The following SGK2 variants were observed in gnomAD, a reference collection of about 807,000 sequenced individuals.
SGK2 encodes the protein serum/glucocorticoid regulated kinase 2, also known as serine/threonine-protein kinase Sgk2.
Under a neutral mutation model 47.5 loss-of-function variants are expected in SGK2, and 36 were observed. The ratio of observed to expected loss-of-function variants is 0.76; its 90% CI spans 0.58 to 1.00. The LOEUF is 1.00. Among genes scored for constraint, SGK2 ranks in the 50% least tolerant of loss-of-function variants. The pLI is 0.00. For synonymous variants in SGK2, 157 were observed against 181.9 expected (o/e 0.86, Z 1.10); for missense variants, 404 against 467.4 (o/e 0.86, Z 1.25).
At position 43,561,628 on chromosome 20, in the gene SGK2, C is replaced by G. The variant is rs138106484; in HGVS notation, c.-24+2469C>G. Among the ~76,000 whole-genome samples the G allele has an allele frequency of 4.0e-4, 61 of 152,120 alleles. 3 individuals carry two copies. The East Asian group carries it at 0.012, about 29-fold the overall frequency. On this transcript the variant is annotated intron_variant, in intron 1 of 12. Transcript: ENST00000373100. ...TGGTTTCGATCTCTGACCTCATGAT[C>G]CACCCGCCTCGGCCTCCCAAAGCAC... is the stretch of plus-strand genomic sequence containing the variant.
chr20:43,583,043 T>C (rs1239389027), intron 12 of SGK2: 3 of 482,054 alleles, frequency 6.2e-6, no homozygotes, highest in African/African-American at 2.0e-5. Flanking sequence ...CTGTGTGGTC[T>C]ACCTGTAAAG....
In SGK2 at chr20:43,572,252, C is replaced by G. The variant is rs1980186690; in HGVS notation, c.597+115C>G. ...TCACTCCTTTGACCCAAACACTTCT[C>G]CTGAGTGGGCTATACACTGAACTGT... On this transcript the variant is annotated intron_variant, in intron 9 of 12. Coordinates refer to ENST00000373100, the MANE Select transcript of SGK2 (RefSeq NM_170693.3). The surrounding 1 kb of genome is among the most constrained non-coding windows in gnomAD (Gnocchi z 4.2). 4.0e-6 allele frequency: 3 copies of G among 753,656 alleles called. No homozygotes were observed. The Admixed American group carries it at 6.4e-5, about 16-fold the overall frequency. The allele number at this position is 753,656 out of a possible 1,614,324, so 46.7% of individuals were successfully genotyped here. A position where few individuals can be genotyped will look rare whatever the true frequency, so the allele number is the denominator to read the frequency against.
In SGK2 at chr20:43,585,094, C is replaced by T; in HGVS notation, c.*78C>T. ...CCTTCAGCTGCTAGGAAGAGCGACTCAAACTAACAATGGCTTCAACGAGAA... is the reference window on the plus strand; with the variant it reads ...CCTTCAGCTGCTAGGAAGAGCGACTTAAACTAACAATGGCTTCAACGAGAA... On this transcript the variant is annotated 3_prime_UTR_variant, in exon 13 of 13. Coordinates refer to ENST00000373100, the MANE Select transcript of SGK2 (RefSeq NM_170693.3). The T allele has an allele frequency of 7.4e-7, 1 of 1,348,226 alleles. No individual in the cohort carries two copies. The highest frequency in any genetic ancestry group is 1.4e-5 in the South Asian group (1 of 72,870). 83.5% of individuals were successfully genotyped at this position (1,348,226 alleles called of 1,614,324 possible).
At chr20:43,576,897 G>A (rs777603979) in intron 11 of SGK2, among the ~76,000 whole-genome samples, 3 of 152,216 alleles carry the variant, frequency 2.0e-5, no homozygotes, top group Non-Finnish European at 2.9e-5. Flanking sequence ...ATCTGAGATC[G>A]TGCCATTGCA....
chr20:43,584,226 G>C (rs766727250), intron 12 of SGK2, among the ~76,000 whole-genome samples: 13 of 152,068 alleles, frequency 8.5e-5, no homozygotes, highest in Non-Finnish European at 1.5e-4. Context: ...CAGCAAGAGA[G>C]CAACTCCTGA....
Position 43,585,626 on chromosome 20 carries a change from T to C in SGK2, c.*610T>C, listed in dbSNP as rs1248161413. On this transcript the variant is annotated 3_prime_UTR_variant, in exon 13 of 13. Coordinates refer to ENST00000373100, the MANE Select transcript of SGK2 (RefSeq NM_170693.3). ...AGGGTATCAATATCTCTTATTGTTC[T>C]ATGTTGATGATATTTGTCTTTGTTG... 4 of 152,338 alleles carry C rather than the reference T, an allele frequency of 2.6e-5. No individual in the cohort carries two copies. Among genetic ancestry groups the C allele is most frequent in the African/African-American group, 4.8e-5 (2 of 41,454 alleles). The allele number at this position is 152,338 out of a possible 1,614,324, so 9.4% of individuals were successfully genotyped here. A position where few individuals can be genotyped will look rare whatever the true frequency, so the allele number is the denominator to read the frequency against.
intron 9 of SGK2, among the ~76,000 whole-genome samples, chr20:43,573,433 G>A (rs1471025601): frequency 1.3e-5 from 2 of 148,504 alleles, no homozygotes; most frequent in African/African-American, 5.0e-5. Context: ...AGGTTGCAGT[G>A]AGCCGAGATC....
At chr20:43,580,929 G>A (rs183455101) in intron 12 of SGK2, among the ~76,000 whole-genome samples, 2 of 151,584 alleles carry the variant, frequency 1.3e-5, no homozygotes, top group Non-Finnish European at 2.9e-5. Flanking sequence ...AGGCTGGAGT[G>A]CAGTGGCACA....
Position 43,576,213 on chromosome 20 carries a change from T to C in SGK2, c.694-11T>C. On this transcript the variant is annotated splice_polypyrimidine_tract_variant and intron_variant, in intron 10 of 12. Coordinates refer to ENST00000373100, the MANE Select transcript of SGK2 (RefSeq NM_170693.3). Reference sequence around the variant, plus strand: ...TGGGTGATCCTCCAGCTGTTCTCCCTCTCTCCCCAGCCGCCCTTCTACAGC... The same window carrying C: ...TGGGTGATCCTCCAGCTGTTCTCCCCCTCTCCCCAGCCGCCCTTCTACAGC... The C allele has an allele frequency of 6.2e-7, 1 of 1,613,192 alleles. No homozygotes were observed. Among genetic ancestry groups the C allele is most frequent in the Non-Finnish European group, 8.5e-7 (1 of 1,179,424 alleles).
rs1981024227 is a variant in SGK2, at chr20:43,585,209, A to G, written c.*193A>G. On this transcript the variant is annotated 3_prime_UTR_variant, in exon 13 of 13. Coordinates refer to ENST00000373100, the MANE Select transcript of SGK2 (RefSeq NM_170693.3). ...AGGTCATCAGATACTCAGAGGCTGT[A>G]TCTCTGCCCTGCCAACCTTGACAAA... 1 of 449,262 alleles carries G rather than the reference A, an allele frequency of 2.2e-6. No homozygotes were observed. 27.8% of individuals were successfully genotyped at this position (449,262 alleles called of 1,614,324 possible).
Position 43,584,878 on chromosome 20 carries a change from T to C in SGK2, c.966T>C (p.Phe322=). ...CAGGACCTGCTGACTTGAAGCATTT[T>C]GACCCAGAGTTCACCCAGGAAGCTG... ...NVTGPADLKH[F]DPEFTQEAVS... is the part of the protein sequence containing the mutation. Residue 322 remains phenylalanine (F), a synonymous_variant, in exon 13 of 13, where the codon TTT becomes TTC. Transcript: ENST00000373100. 5.0e-6 allele frequency: 8 copies of C among 1,614,120 alleles called. No individual in the cohort carries two copies. Among genetic ancestry groups the C allele is most frequent in the Non-Finnish European group, 6.8e-6 (8 of 1,179,976 alleles).
rs1352871316 is a variant in SGK2 at position 43,567,048 on chromosome 20, A to C, written c.37-20A>C. On this transcript the variant is annotated intron_variant, in intron 2 of 12. Coordinates refer to ENST00000373100, the MANE Select transcript of SGK2 (RefSeq NM_170693.3). ...GCCAAGGAGTAGGGATCTGCTGATC[A>C]TAATCACTTCTTTCTTTAGCCCTCC... The C allele has an allele frequency of 1.6e-5, 26 of 1,611,516 alleles. No homozygotes were observed. The highest frequency in any genetic ancestry group is 2.0e-5 in the Non-Finnish European group (24 of 1,177,764).
At chr20:43,569,830 G>A (rs1234005458) in intron 6 of SGK2, among the ~76,000 whole-genome samples, 7 of 152,162 alleles carry the variant, frequency 4.6e-5, no homozygotes, top group South Asian at 2.1e-4. Flanking sequence ...AGAGGAGCTC[G>A]TGGTCAAGGT....
At chr20:43,580,392 T>A (rs1451579703) in intron 12 of SGK2, among the ~76,000 whole-genome samples, 3 of 152,180 alleles carry the variant, frequency 2.0e-5, no homozygotes, top group Admixed American at 2.0e-4. Flanking sequence ...ATTTATAGAC[T>A]TTTTCCTGAT....
rs1156704635 is a variant in SGK2, at chr20:43,574,935, A to G, written c.624A>G (p.Lys208=). 9 of 1,613,582 alleles carry G rather than the reference A, an allele frequency of 5.6e-6. No homozygotes were observed. Among genetic ancestry groups the G allele is most frequent in the Non-Finnish European group, 7.6e-6 (9 of 1,179,710 alleles). Residue 208 remains lysine, a synonymous_variant, in exon 10 of 13, where the codon AAA becomes AAG. Coordinates refer to ENST00000373100, the MANE Select transcript of SGK2 (RefSeq NM_170693.3). ...ACTTGGCACCTGAAGTGCTTCGGAA[A>G]GAGCCTTATGATCGAGCAGTGGACT... ...PEYLAPEVLR[K]EPYDRAVDWW...
rs1485789308 is a variant in SGK2 at position 43,572,330 on chromosome 20, GC to G, written c.597+195del. 2.0e-5 allele frequency among the ~76,000 whole-genome samples: 3 copies of G among 152,224 alleles called. No homozygotes were observed. The highest frequency in any genetic ancestry group is 4.4e-5 in the Non-Finnish European group (3 of 68,048). On this transcript the variant is annotated intron_variant, in intron 9 of 12. Transcript: ENST00000373100. This position sits in a 1 kb window ranked among gnomAD's most constrained non-coding sequence, Gnocchi z 4.2. ...CCAGCTCTAGGACTGCTGAGACCCA[GC>G]CAGCTAGCTGCTGGTGAAGCTCTAC...
At chr20:43,561,258 T>C (rs1759227043) in intron 1 of SGK2, among the ~76,000 whole-genome samples, 1 of 152,028 alleles carries the variant, frequency 6.6e-6, no homozygotes, top group South Asian at 2.1e-4. Flanking sequence ...ACTTAGTGTG[T>C]CTGAGGGACA....
chr20:43,574,793 A>G, intron 9 of SGK2, 116 bp from the exon 10 acceptor site: 1 of 667,888 alleles, frequency 1.5e-6, no homozygotes, highest in Non-Finnish European at 2.7e-6. Context: ...ACACAGCCAC[A>G]GAGCACACGT....
rs1442349518 is a variant in SGK2, at chr20:43,580,105, G to T, written c.939+44G>T. The T allele has an allele frequency of 3.8e-6, 5 of 1,304,082 alleles. No individual in the cohort carries two copies. The Admixed American group carries it at 8.9e-5, about 23-fold the overall frequency. 80.8% of individuals were successfully genotyped at this position (1,304,082 alleles called of 1,614,324 possible). A position where few individuals can be genotyped will look rare whatever the true frequency, so the allele number is the denominator to read the frequency against. On this transcript the variant is annotated intron_variant, in intron 12 of 12. Transcript: ENST00000373100. ...CTAGACTCTGGATTTCCGGGGCTGGGGGAGCTTGCTATGCTTGCCAACTCT... is the reference window on the plus strand; with the variant it reads ...CTAGACTCTGGATTTCCGGGGCTGGTGGAGCTTGCTATGCTTGCCAACTCT...
Sources: gnomAD v4.1 joint callset for allele counts (sites outside exome capture counted in the v4.1 genomes callset) on GRCh38, gnomAD v4.1.1 for gene constraint, Gnocchi (gnomAD v3.1) non-coding constraint, MANE v1.5 for transcripts, NCBI Gene and HGNC (gene_info 2026-07-23, HGNC 2026-07-21) for gene names.